ANK3: variants seen among roughly 807,000 people sequenced by gnomAD.
ANK3 encodes the protein ankyrin-3.
Under a neutral mutation model 370.9 loss-of-function variants are expected in ANK3, and 57 were observed. The observed-to-expected ratio is 0.15, with a 90% CI of 0.12 to 0.19. The LOEUF (loss-of-function observed/expected upper bound fraction) is 0.19. ANK3 is among the 10% of genes least tolerant of loss of function. The probability of loss-of-function intolerance (pLI) is 1.00; values close to 1 mark genes in which losing one functional copy is unlikely to be tolerated. For missense variants in ANK3, 4,439 were observed against 5,302.1 expected (o/e 0.84, Z 5.06); for synonymous variants, 1,929 against 1,946.3 (o/e 0.99, Z 0.23).
In ANK3 at chr10:60,070,762, A is replaced by G; in HGVS notation, c.10119T>C (p.Leu3373=). The G allele has an allele frequency of 6.2e-7, 1 of 1,614,222 alleles. No homozygotes were observed. Among genetic ancestry groups the G allele is most frequent in the Non-Finnish European group, 8.5e-7 (1 of 1,180,030 alleles). ...TTTCATTCTGAGGTGAATCAAGGCCAAGGCCAAATTCATTATCTTTTCCAG... is the reference window on the plus strand; with the variant it reads ...TTTCATTCTGAGGTGAATCAAGGCCGAGGCCAAATTCATTATCTTTTCCAG... ...NGSGKDNEFG[L]GLDSPQNEIA... Residue 3373 remains leucine (L), a synonymous_variant, in exon 37 of 44, where the codon CTT becomes CTC. Transcript: ENST00000280772. The surrounding 1 kb of genome is among the most constrained non-coding windows in gnomAD (Gnocchi z 5.7).
chr10:60,409,150 T>C, intron 2 of ANK3, among the ~76,000 whole-genome samples: 1 of 152,196 alleles, frequency 6.6e-6, no homozygotes, highest in African/African-American at 2.4e-5. Context: ...TTACAGCTGA[T>C]TTCTCCGTTT....
At chr10:60,093,919 T>A (rs1015202957) in intron 28 of ANK3, among the ~76,000 whole-genome samples, 1 of 151,964 alleles carries the variant, frequency 6.6e-6, no homozygotes, top group African/African-American at 2.4e-5. Context: ...GTTGTGTTCA[T>A]TTTTTTTCAA....
intron 2 of ANK3, among the ~76,000 whole-genome samples, chr10:60,488,097 T>A (rs981755488): frequency 6.6e-6 from 1 of 151,990 alleles, no homozygotes; most frequent in Non-Finnish European, 1.5e-5. Flanking sequence ...CAAAATAAAG[T>A]AAGATACAGG....
At chr10:60,414,188 A>G (rs2063615098) in intron 2 of ANK3, among the ~76,000 whole-genome samples, 1 of 152,160 alleles carries the variant, frequency 6.6e-6, no homozygotes, top group Non-Finnish European at 1.5e-5. Flanking sequence ...TTAAGTTACC[A>G]GCATTTATAT....
chr10:60,083,730 A>G (rs2085888201), intron 32 of ANK3, 113 bp from the exon 33 acceptor site: 1 of 872,762 alleles, frequency 1.1e-6, no homozygotes, highest in Non-Finnish European at 1.7e-6. Flanking sequence ...ACGTGTCTCT[A>G]TTAGGCAGTT....
intron 2 of ANK3, among the ~76,000 whole-genome samples, chr10:60,400,990 G>A (rs185557445): frequency 1.3e-5 from 2 of 152,282 alleles, no homozygotes; most frequent in East Asian, 3.9e-4. Context: ...CTGTGGCTGT[G>A]TAGAGCTTTT....
intron 16 of ANK3, among the ~76,000 whole-genome samples, chr10:60,188,308 A>G (rs1160568575): frequency 6.6e-6 from 1 of 152,144 alleles, no homozygotes; most frequent in Non-Finnish European, 1.5e-5. Context: ...TGCCCCAAGA[A>G]AGAGTTTTGG....
intron 1 of ANK3, among the ~76,000 whole-genome samples, chr10:60,615,804 T>C (rs2078260542): frequency 6.6e-6 from 1 of 152,092 alleles, no homozygotes; most frequent in African/African-American, 2.4e-5. Flanking sequence ...AACCTCAAAA[T>C]AGAAAACCAA....
chr10:60,632,512 G>A (rs560983094), intron 1 of ANK3, among the ~76,000 whole-genome samples: 3 of 152,298 alleles, frequency 2.0e-5, no homozygotes, highest in African/African-American at 4.8e-5. Flanking sequence ...ATTTTGGGAA[G>A]CCAAGGAGGA....
intron 28 of ANK3, among the ~76,000 whole-genome samples, chr10:60,088,915 C>T (rs957457023): frequency 6.6e-6 from 1 of 152,010 alleles, no homozygotes; most frequent in Non-Finnish European, 1.5e-5. Flanking sequence ...CATTTTGCCA[C>T]CTGTGGATAA....
At position 60,138,681 on chromosome 10, in the gene ANK3, T is replaced by G. The variant is rs2094449102; in HGVS notation, c.2738+283A>C. The G allele has an allele frequency of 1.4e-5, 7 of 483,608 alleles. 1 individual carries two copies. In the South Asian group the frequency reaches 2.9e-4, roughly 20 times the overall value. 30.0% of individuals were successfully genotyped at this position (483,608 alleles called of 1,614,324 possible). On this transcript the variant is annotated intron_variant, in intron 24 of 43. Transcript: ENST00000280772. ...ATGTGACTCAGATTGGTTCTCCCAG[T>G]TTTGTCAGTGAGCTCTTTTGCTACT...
chr10:60,166,561 A>C, intron 23 of ANK3, 30 bp downstream of exon 23: 1 of 1,570,660 alleles, frequency 6.4e-7, no homozygotes, highest in African/African-American at 1.4e-5. Context: ...GTAGTAGTTA[A>C]GTTTCATCAC....
Position 60,071,360 on chromosome 10 carries a change from G to A in ANK3, c.9521C>T (p.Ser3174Leu). The A allele has an allele frequency of 6.2e-7, 1 of 1,614,044 alleles. No homozygotes were observed. The highest frequency in any genetic ancestry group is 1.1e-5 in the South Asian group (1 of 91,076). The change falls in exon 37 of 44, where the codon TCA becomes TTA. Residue 3174 changes from serine to leucine, a missense_variant. Physicochemically the swap from Ser to Leu is moderately radical, Grantham distance 145 (BLOSUM62 -2). This residue lies in a region of ANK3 where 1,601 missense variants were observed against 1,731.7 expected (regional missense o/e 0.92). Transcript: ENST00000280772. ...TGTAAATTCATAACTCACTTCCTCT[G>A]AACTGGGTGTTTCTGGGGTTAAAGG... ...KSPLTPETPS[S>L]EEVSYEFTSK...
At chr10:60,340,841 T>C (rs1403812117) in intron 1 of ANK3, among the ~76,000 whole-genome samples, 2 of 152,128 alleles carry the variant, frequency 1.3e-5, no homozygotes, top group Non-Finnish European at 2.9e-5. Context: ...ATCTAAACAC[T>C]TCATGTGCAA....
chr10:60,389,724 G>GGT lies in ANK3; in HGVS notation c.-188_-187dup. ...TGAAGCTTTTAAAAACCCAAATGATGGTGTCCGGACTTCATCCTACACCTT... is the reference window on the plus strand; with the variant it reads ...TGAAGCTTTTAAAAACCCAAATGATGGTGTGTCCGGACTTCATCCTACACCTT... On this transcript the variant is annotated 5_prime_UTR_variant, in exon 1 of 44. It removes the in-frame stop codon of an upstream open reading frame in the 5' UTR. Coordinates refer to ENST00000280772, the MANE Select transcript of ANK3 (RefSeq NM_020987.5). 7.0e-7 allele frequency: 1 copy of GGT among 1,429,862 alleles called. No individual in the cohort carries two copies. The highest frequency in any genetic ancestry group is 9.1e-7 in the Non-Finnish European group (1 of 1,098,348). The allele number at this position is 1,429,862 out of a possible 1,614,324, so 88.6% of individuals were successfully genotyped here. A position where few individuals can be genotyped will look rare whatever the true frequency, so the allele number is the denominator to read the frequency against.
rs2072546873 is a variant in ANK3, at chr10:60,028,325, T to C, written c.*1521A>G. ...GCACAAAGAGGACCAATGGGGTGGA[T>C]TGGCCAGGACTCATATGACAAGGGA... is the stretch of plus-strand genomic sequence containing the variant. On this transcript the variant is annotated 3_prime_UTR_variant, in exon 44 of 44. Coordinates refer to ENST00000280772, the MANE Select transcript of ANK3 (RefSeq NM_020987.5). 6.6e-6 allele frequency: 1 copy of C among 152,642 alleles called. No individual in the cohort carries two copies. Among genetic ancestry groups the C allele is most frequent in the African/African-American group, 2.4e-5 (1 of 41,454 alleles). The allele number at this position is 152,642 out of a possible 1,614,324, so 9.5% of individuals were successfully genotyped here. A position where few individuals can be genotyped will look rare whatever the true frequency, so the allele number is the denominator to read the frequency against.
intron 23 of ANK3, chr10:60,145,951 A>G (rs1360853274): frequency 2.6e-5 from 20 of 766,322 alleles, no homozygotes; most frequent in Non-Finnish European, 4.3e-5. Context: ...ACTGGGGCAA[A>G]GAGGAGGGAG....
chr10:60,653,366 C>A (rs1462401199), intron 1 of ANK3, among the ~76,000 whole-genome samples: 4 of 150,236 alleles, frequency 2.7e-5, no homozygotes, highest in African/African-American at 1.0e-4. Context: ...TTTTTTTTTT[C>A]CCATACAGAT....
At chr10:60,284,480 C>T (rs944767750) in intron 1 of ANK3, among the ~76,000 whole-genome samples, 1 of 152,162 alleles carries the variant, frequency 6.6e-6, no homozygotes, top group Non-Finnish European at 1.5e-5. Context: ...GATGCAAACC[C>T]AGTCTGGCTC....
Sources: allele counts gnomAD v4.1 joint callset (sites outside exome capture counted in the v4.1 genomes callset), GRCh38; gene constraint gnomAD v4.1.1; regional missense constraint gnomAD v4.1.1; non-coding constraint Gnocchi (gnomAD v3.1); transcripts MANE v1.5; gene names NCBI Gene and HGNC (gene_info 2026-07-23, HGNC 2026-07-21).